Variants in GYPC observed in about 807,000 individuals in gnomAD.
GYPC encodes glycophorin C (Gerbich blood group), also known as glycophorin-C.
A neutral mutation model predicts 12.6 loss-of-function variants in GYPC; 14 were observed. The observed-to-expected ratio is 1.11, with a 90% confidence interval of 0.74 to 1.74. GYPC has a LOEUF of 1.74. GYPC is among the 40% of genes most tolerant of loss of function. GYPC has a pLI of 0.00. For synonymous variants in GYPC, 78 were observed against 62.1 expected, an observed-to-expected ratio of 1.26 and a Z score of -1.20; for missense variants, 225 against 172.1, an observed-to-expected ratio of 1.31 and a Z score of -1.72.
At chr2:126,656,564 C>T (rs1345780334) in intron 1 of GYPC, among the ~76,000 whole-genome samples, 1 of 152,250 alleles carries the variant, frequency 6.6e-6, no homozygotes, top group Non-Finnish European at 1.5e-5. Context: ...CTGGAGAAGC[C>T]GCCAGCCCGC....
At chr2:126,680,839 G>A (rs1683131493) in intron 1 of GYPC, among the ~76,000 whole-genome samples, 2 of 152,192 alleles carry the variant, frequency 1.3e-5, no homozygotes, top group Non-Finnish European at 2.9e-5. Flanking sequence ...GAGACTCAGA[G>A]GGCCATTCAG....
chr2:126,661,364 C>T (rs1682530686), intron 1 of GYPC, among the ~76,000 whole-genome samples: 1 of 152,190 alleles, frequency 6.6e-6, no homozygotes, highest in African/African-American at 2.4e-5. Context: ...GGCGTCACCA[C>T]CCCTCCTTCA....
intron 1 of GYPC, among the ~76,000 whole-genome samples, chr2:126,681,341 TA>T (rs1683145041): frequency 6.6e-6 from 1 of 152,182 alleles, no homozygotes; most frequent in African/African-American, 2.4e-5. Flanking sequence ...TACTGGGTCA[TA>T]TGGGGGTATC....
At chr2:126,683,442 C>A (rs1359644177) in intron 1 of GYPC, among the ~76,000 whole-genome samples, 1 of 152,212 alleles carries the variant, frequency 6.6e-6, no homozygotes, top group African/African-American at 2.4e-5. Context: ...CAGCTTTTAT[C>A]CCCAGATTCT....
intron 1 of GYPC, among the ~76,000 whole-genome samples, chr2:126,688,633 T>C: frequency 6.6e-6 from 1 of 152,170 alleles, no homozygotes; most frequent in Admixed American, 6.5e-5. Context: ...CTGGGTCTCT[T>C]GGCGGCCTCA....
At chr2:126,690,373 A>C in intron 2 of GYPC, 62 bp downstream of exon 2, 29 of 1,209,336 alleles carry the variant, frequency 2.4e-5, no homozygotes, top group Non-Finnish European at 3.5e-5. Context: ...ATGAGCTCTC[A>C]TCACAGAGCC....
chr2:126,658,956 T>C lies in GYPC; in HGVS notation c.49+2644T>C, dbSNP rs528059121. Among the ~76,000 whole-genome samples, 11 of 152,334 alleles carry C rather than the reference T, an allele frequency of 7.2e-5. No homozygotes were observed. In the East Asian group the frequency reaches 1.5e-3, roughly 21 times the overall value. ...ATTTTACATGCATGTGTCTGTAAAC[T>C]GTTAGGATAAATTCTCCCACCTCAG... On this transcript the variant is annotated intron_variant, in intron 1 of 3. Coordinates refer to ENST00000259254, the MANE Select transcript of GYPC (RefSeq NM_002101.5).
At chr2:126,682,597 C>T (rs186488871) in intron 1 of GYPC, among the ~76,000 whole-genome samples, 5 of 152,310 alleles carry the variant, frequency 3.3e-5, no homozygotes, top group African/African-American at 1.2e-4. Flanking sequence ...TGTTCTCCTT[C>T]CACTTCCGCT....
chr2:126,663,767 C>T (rs1682604515), intron 1 of GYPC, among the ~76,000 whole-genome samples: 1 of 152,224 alleles, frequency 6.6e-6, no homozygotes, highest in African/African-American at 2.4e-5. Flanking sequence ...TCAGCTCAGC[C>T]CCTGACCTCT....
At position 126,693,960 on chromosome 2, in the gene GYPC, C is replaced by T. The variant is rs771955795; in HGVS notation, c.190+13C>T. The T allele has an allele frequency of 4.5e-6, 7 of 1,564,902 alleles. No individual in the cohort carries two copies. On this transcript the variant is annotated intron_variant, in intron 3 of 3. Coordinates refer to ENST00000259254, the MANE Select transcript of GYPC (RefSeq NM_002101.5). ...GTCGTCATTGCAGGTGAGCTCTCAT[C>T]ACAGAGCCCTTCAAGCAGCCAGGGT...
chr2:126,656,508 T>TGTCCCGC (rs1682360723), intron 1 of GYPC, among the ~76,000 whole-genome samples, 196 bp downstream of exon 1: 1 of 152,196 alleles, frequency 6.6e-6, no homozygotes, highest in East Asian at 1.9e-4. Context: ...GCGGAGTCCC[T>TGTCCCGC]GTCCCGCGTC....
At chr2:126,666,007 G>T (rs933204785) in intron 1 of GYPC, among the ~76,000 whole-genome samples, 7 of 152,174 alleles carry the variant, frequency 4.6e-5, no homozygotes, top group African/African-American at 1.7e-4. Context: ...GATCGTTACA[G>T]CCCTGAGGTC....
chr2:126,656,370 C>T, intron 1 of GYPC, 58 bp downstream of exon 1: 1 of 1,452,438 alleles, frequency 6.9e-7, no homozygotes, highest in Non-Finnish European at 9.4e-7. Context: ...CGGCCCGCAG[C>T]AGCCAGGGGC....
intron 1 of GYPC, among the ~76,000 whole-genome samples, chr2:126,659,016 A>T (rs1443784803): frequency 6.6e-6 from 1 of 152,188 alleles, no homozygotes; most frequent in African/African-American, 2.4e-5. Context: ...GTATTCATTT[A>T]AAATGTTAGT....
intron 1 of GYPC, chr2:126,658,280 C>T (rs571483677): frequency 6.6e-6 from 1 of 152,404 alleles, no homozygotes; most frequent in Non-Finnish European, 1.5e-5. Context: ...TGCTGGTGGT[C>T]AGCAGCTGGA....
intron 2 of GYPC, among the ~76,000 whole-genome samples, chr2:126,692,083 T>C (rs1240526009): frequency 6.6e-6 from 1 of 152,208 alleles, no homozygotes; most frequent in African/African-American, 2.4e-5. Context: ...GAGGCTGCAC[T>C]TGTTCACTCT....
intron 2 of GYPC, among the ~76,000 whole-genome samples, chr2:126,690,804 A>G (rs1057072647): frequency 3.3e-5 from 5 of 152,126 alleles, no homozygotes; most frequent in Admixed American, 6.6e-5. Context: ...ACCCTGAGCA[A>G]CGGGCTCCCC....
At chr2:126,692,073 G>C (rs1683484532) in intron 2 of GYPC, among the ~76,000 whole-genome samples, 1 of 152,104 alleles carries the variant, frequency 6.6e-6, no homozygotes, top group Admixed American at 6.6e-5. Flanking sequence ...TACTAAACTG[G>C]AGGCTGCACT....
At chr2:126,677,964 G>A (rs1203000247) in intron 1 of GYPC, among the ~76,000 whole-genome samples, 4 of 152,250 alleles carry the variant, frequency 2.6e-5, no homozygotes, top group African/African-American at 7.2e-5. Flanking sequence ...GCTCACGCCT[G>A]TAATCCCAGC....
Sources: allele counts gnomAD v4.1 joint callset (sites outside exome capture counted in the v4.1 genomes callset), GRCh38; gene constraint gnomAD v4.1.1; transcripts MANE v1.5; gene names NCBI Gene and HGNC (gene_info 2026-07-23, HGNC 2026-07-21).